Variants in CCSER1 observed in about 807,000 individuals in gnomAD.
The protein encoded by CCSER1 is coiled-coil serine rich protein 1.
Under a neutral mutation model 82.0 loss-of-function variants are expected in CCSER1, and 41 were observed. The observed-to-expected ratio is 0.50, with a 90% confidence interval of 0.39 to 0.65. CCSER1 has a LOEUF of 0.65. Among genes scored for constraint, CCSER1 ranks in the 30% least tolerant of loss-of-function variants. The probability of loss-of-function intolerance (pLI) is 0.00; values close to 1 mark genes in which losing one functional copy is unlikely to be tolerated. For synonymous variants in CCSER1, 414 were observed against 383.9 expected (o/e 1.08, Z -0.92); for missense variants, 1,119 against 1,064.2 (o/e 1.05, Z -0.72).
chr4:91,529,125 A>G (rs1177013757), intron 10 of CCSER1, among the ~76,000 whole-genome samples: 1 of 152,142 alleles, frequency 6.6e-6, no homozygotes, highest in African/African-American at 2.4e-5. Flanking sequence ...AGTGAATTGT[A>G]TTTAATGACA....
At chr4:90,483,226 C>T (rs1322393523) in intron 5 of CCSER1, among the ~76,000 whole-genome samples, 6 of 152,212 alleles carry the variant, frequency 3.9e-5, no homozygotes, top group East Asian at 3.9e-4. Flanking sequence ...GTTTGCTTGG[C>T]AGATCTTCCT....
intron 10 of CCSER1, among the ~76,000 whole-genome samples, chr4:91,402,027 G>C (rs1032375143): frequency 2.0e-5 from 3 of 152,180 alleles, no homozygotes; most frequent in Non-Finnish European, 2.9e-5. Flanking sequence ...CAGTGTAAAA[G>C]TGTTCCTATT....
At chr4:91,376,090 A>C (rs1299619555) in intron 10 of CCSER1, among the ~76,000 whole-genome samples, 1 of 152,184 alleles carries the variant, frequency 6.6e-6, no homozygotes, top group African/African-American at 2.4e-5. Flanking sequence ...GAAAAGTCCA[A>C]ACCAAACTTA....
At chr4:91,357,876 GC>G (rs71596562) in intron 10 of CCSER1, among the ~76,000 whole-genome samples, 2,290 of 60,066 alleles carry the variant, frequency 0.038, 113 homozygotes, top group African/African-American at 0.084. Flanking sequence ...AATTCTGCCT[GC>G]CCCCCCCCCC....
intron 8 of CCSER1, among the ~76,000 whole-genome samples, chr4:90,879,298 C>T: frequency 6.6e-6 from 1 of 152,042 alleles, no homozygotes; most frequent in Non-Finnish European, 1.5e-5. Flanking sequence ...CTATTTTGTC[C>T]TTCACCCCCT....
At chr4:90,339,769 G>A (rs749312783) in intron 3 of CCSER1, among the ~76,000 whole-genome samples, 17 of 151,716 alleles carry the variant, frequency 1.1e-4, no homozygotes, top group Non-Finnish European at 1.6e-4. Flanking sequence ...TAATCTTTCC[G>A]TATCTGCTTT....
intron 5 of CCSER1, among the ~76,000 whole-genome samples, chr4:90,613,607 T>G (rs188966656): frequency 3.3e-5 from 5 of 152,298 alleles, no homozygotes; most frequent in East Asian, 3.9e-4. Flanking sequence ...GTTTTCAGTT[T>G]ACTTTGCCTA....
chr4:90,839,581 G>A (rs1762299956), intron 8 of CCSER1, among the ~76,000 whole-genome samples: 2 of 152,180 alleles, frequency 1.3e-5, no homozygotes, highest in Admixed American at 6.5e-5. Context: ...CCTAAGCCCT[G>A]CTTTAAGTGT....
At chr4:90,151,637 A>T (rs1726869218) in intron 1 of CCSER1, among the ~76,000 whole-genome samples, 1 of 152,166 alleles carries the variant, frequency 6.6e-6, no homozygotes, top group African/African-American at 2.4e-5. Flanking sequence ...AATGATACAA[A>T]GAGTACACCT....
At chr4:91,117,139 G>A (rs1265923036) in intron 10 of CCSER1, among the ~76,000 whole-genome samples, 1 of 152,126 alleles carries the variant, frequency 6.6e-6, no homozygotes, top group African/African-American at 2.4e-5. Flanking sequence ...TGTTAAGCTT[G>A]CAAATGGAAA....
intron 10 of CCSER1, 108 bp from the exon 11 acceptor site, chr4:91,598,464 T>G (rs1439001802): frequency 8.4e-7 from 1 of 1,187,728 alleles, no homozygotes; most frequent in African/African-American, 1.5e-5. Flanking sequence ...TAAACCTCAT[T>G]GAAAATTTAC....
chr4:91,533,208 A>G (rs1761123361), intron 10 of CCSER1, among the ~76,000 whole-genome samples: 1 of 152,190 alleles, frequency 6.6e-6, no homozygotes, highest in Non-Finnish European at 1.5e-5. Flanking sequence ...ATATCATTTT[A>G]TATACTTATT....
intron 3 of CCSER1, among the ~76,000 whole-genome samples, chr4:90,331,193 C>CT (rs199578039): frequency 2.1e-4 from 31 of 150,658 alleles, no homozygotes; most frequent in African/African-American, 4.6e-4. Flanking sequence ...ATATTTTTTT[C>CT]TTTTTTTTTC....
At chr4:91,000,741 TTATAGAA>T (rs1737962875) in intron 9 of CCSER1, among the ~76,000 whole-genome samples, 2 of 152,118 alleles carry the variant, frequency 1.3e-5, no homozygotes, top group Admixed American at 6.6e-5. Context: ...TGTTATCAGT[TTATAGAA>T]ATGCTACTGA....
intron 7 of CCSER1, among the ~76,000 whole-genome samples, chr4:90,760,024 G>A (rs938092936): frequency 6.6e-6 from 1 of 151,736 alleles, no homozygotes; most frequent in Non-Finnish European, 1.5e-5. Flanking sequence ...TCACTAAGAA[G>A]CTTTATGGAT....
chr4:91,184,263 C>T (rs186487954), intron 10 of CCSER1, among the ~76,000 whole-genome samples: 2,969 of 152,338 alleles, frequency 0.019, 40 homozygotes, highest in Non-Finnish European at 0.033. Context: ...TTAACATGCC[C>T]TGTGGCAACA....
At chr4:91,081,743 A>C (rs1487726324) in intron 9 of CCSER1, among the ~76,000 whole-genome samples, 1 of 152,228 alleles carries the variant, frequency 6.6e-6, no homozygotes, top group East Asian at 1.9e-4. Flanking sequence ...ATGTGCAAAA[A>C]TCACAAGCAT....
chr4:90,806,918 A>G (rs1438547525), intron 7 of CCSER1, among the ~76,000 whole-genome samples: 2 of 143,662 alleles, frequency 1.4e-5, no homozygotes, highest in Admixed American at 1.4e-4. Context: ...AATAAACTTT[A>G]TGTATCCTTA....
At chr4:91,178,012 C>T (rs112507420) in intron 10 of CCSER1, among the ~76,000 whole-genome samples, 1 of 152,138 alleles carries the variant, frequency 6.6e-6, no homozygotes, top group Admixed American at 6.6e-5. Context: ...TATGTTGTGT[C>T]TTTGTTCTCA....
Sources: gnomAD v4.1 joint callset for allele counts (sites outside exome capture counted in the v4.1 genomes callset) on GRCh38, gnomAD v4.1.1 for gene constraint, MANE v1.5 for transcripts, NCBI Gene and HGNC (gene_info 2026-07-23, HGNC 2026-07-21) for gene names.